Variants in COMMD10 observed in about 807,000 individuals in gnomAD.
COMMD10 encodes the protein COMM domain-containing protein 10.
A neutral mutation model predicts 28.9 loss-of-function variants in COMMD10; 33 were observed. That is an observed-to-expected ratio of 1.14 (90% confidence interval 0.87 to 1.53). COMMD10 has a LOEUF of 1.53. COMMD10 is among the 40% of genes most tolerant of loss of function. The pLI, the probability that COMMD10 is intolerant of heterozygous loss-of-function variation, is 0.00. For missense variants in COMMD10, 310 were observed against 233.4 expected (o/e 1.33, Z -2.14); for synonymous variants, 110 against 81.7 (o/e 1.35, Z -1.87).
At chr5:116,280,366 G>T (rs1438585328) in intron 5 of COMMD10, among the ~76,000 whole-genome samples, 1 of 151,788 alleles carries the variant, frequency 6.6e-6, no homozygotes. Context: ...AGCCAGAGCT[G>T]GTTGTGACAT....
At chr5:116,285,183 G>A (rs75192630) in intron 5 of COMMD10, among the ~76,000 whole-genome samples, 4,522 of 151,928 alleles carry the variant, frequency 0.03, 329 homozygotes, top group African/African-American at 0.11. Flanking sequence ...GAGTAAAAAT[G>A]GAGACCCATA....
chr5:116,278,172 A>G (rs867934839), intron 5 of COMMD10, among the ~76,000 whole-genome samples: 6 of 151,784 alleles, frequency 4.0e-5, no homozygotes, highest in African/African-American at 9.7e-5. Context: ...AGAAAAATAT[A>G]CCATTACCTA....
At chr5:116,162,293 T>G (rs1243378898) in intron 5 of COMMD10, among the ~76,000 whole-genome samples, 2 of 152,182 alleles carry the variant, frequency 1.3e-5, no homozygotes, top group Non-Finnish European at 2.9e-5. Flanking sequence ...GACTGTTTAA[T>G]AAGACTGCAG....
At chr5:116,242,981 A>G (rs554251411) in intron 5 of COMMD10, among the ~76,000 whole-genome samples, 27 of 152,338 alleles carry the variant, frequency 1.8e-4, no homozygotes, top group Admixed American at 4.6e-4. Context: ...TAAATTTTCA[A>G]TGCTAATTAA....
At chr5:116,155,899 TAA>T (rs1391981739) in intron 5 of COMMD10, among the ~76,000 whole-genome samples, 5 of 151,950 alleles carry the variant, frequency 3.3e-5, no homozygotes, top group African/African-American at 4.8e-5. Flanking sequence ...TTTATTAATA[TAA>T]GAGAAAATTA....
intron 5 of COMMD10, among the ~76,000 whole-genome samples, chr5:116,229,005 G>A (rs897258408): frequency 6.6e-6 from 1 of 151,892 alleles, no homozygotes; most frequent in Non-Finnish European, 1.5e-5. Context: ...ATAAATATTT[G>A]CCTATAGACA....
intron 5 of COMMD10, among the ~76,000 whole-genome samples, chr5:116,207,305 T>G (rs193040094): frequency 3.3e-5 from 5 of 152,226 alleles, no homozygotes. Flanking sequence ...ACTAATAGTT[T>G]AGATAAATCT....
At chr5:116,126,326 TATC>T (rs1227792478) in intron 4 of COMMD10, among the ~76,000 whole-genome samples, 17 of 152,140 alleles carry the variant, frequency 1.1e-4, no homozygotes, top group Non-Finnish European at 2.2e-4. Context: ...GAAGAATCGA[TATC>T]ATGAAAATGG....
intron 5 of COMMD10, among the ~76,000 whole-genome samples, chr5:116,264,615 A>G (rs1377345099): frequency 2.0e-5 from 3 of 152,048 alleles, no homozygotes; most frequent in Non-Finnish European, 4.4e-5. Flanking sequence ...ATCCGTTTAC[A>G]TAACAGACAC....
intron 1 of COMMD10, 175 bp downstream of exon 1, chr5:116,085,268 G>C (rs1443022151): frequency 1.6e-6 from 1 of 626,696 alleles, no homozygotes; most frequent in South Asian, 1.9e-5. Context: ...GCGTGGGGCC[G>C]TGTAGCGCCT....
intron 5 of COMMD10, among the ~76,000 whole-genome samples, chr5:116,155,539 C>T (rs539160520): frequency 6.6e-6 from 1 of 152,040 alleles, no homozygotes; most frequent in Non-Finnish European, 1.5e-5. Flanking sequence ...TGTAGATAAA[C>T]AGACATCCTG....
intron 5 of COMMD10, among the ~76,000 whole-genome samples, chr5:116,252,560 C>G (rs1439936885): frequency 8.6e-6 from 1 of 115,814 alleles, no homozygotes; most frequent in African/African-American, 3.5e-5. Flanking sequence ...ATAGGGAATC[C>G]TTTCCCCATT....
intron 5 of COMMD10, among the ~76,000 whole-genome samples, chr5:116,135,277 G>A (rs192741730): frequency 6.6e-6 from 1 of 152,204 alleles, no homozygotes; most frequent in East Asian, 1.9e-4. Context: ...AGGAATTGAA[G>A]GATGGGAATA....
chr5:116,187,418 T>C (rs566240735), intron 5 of COMMD10, among the ~76,000 whole-genome samples: 1 of 152,232 alleles, frequency 6.6e-6, no homozygotes, highest in Non-Finnish European at 1.5e-5. Context: ...GTATAGAGAT[T>C]GCTACCATAT....
intron 5 of COMMD10, among the ~76,000 whole-genome samples, chr5:116,144,477 G>A (rs1050310274): frequency 6.6e-6 from 1 of 151,784 alleles, no homozygotes; most frequent in Non-Finnish European, 1.5e-5. Context: ...GAAAGTGATG[G>A]TGCTATAATT....
intron 5 of COMMD10, among the ~76,000 whole-genome samples, chr5:116,258,300 TTCCTCCCTGTTACTA>T (rs919534991): frequency 2.0e-5 from 3 of 151,824 alleles, no homozygotes; most frequent in Non-Finnish European, 4.4e-5. Context: ...ACTTACTCTC[TTCCTCCCTGTTACTA>T]TCCTAGAATG....
chr5:116,237,366 A>C (rs1749694784), intron 5 of COMMD10, among the ~76,000 whole-genome samples: 1 of 152,174 alleles, frequency 6.6e-6, no homozygotes, highest in South Asian at 2.1e-4. Flanking sequence ...GTTATATTTG[A>C]GTATTTTTCT....
At chr5:116,191,984 A>G (rs775016157) in intron 5 of COMMD10, among the ~76,000 whole-genome samples, 29 of 150,600 alleles carry the variant, frequency 1.9e-4, no homozygotes, top group Non-Finnish European at 3.4e-4. Flanking sequence ...ACATCACAGG[A>G]TGTGATATTG....
chr5:116,275,182 G>A (rs1750870171), intron 5 of COMMD10, among the ~76,000 whole-genome samples: 1 of 151,766 alleles, frequency 6.6e-6, no homozygotes, highest in South Asian at 2.1e-4. Context: ...TTCATTGAAA[G>A]AATCAGTTTT....
Sources: allele counts gnomAD v4.1 joint callset (sites outside exome capture counted in the v4.1 genomes callset), GRCh38; gene constraint gnomAD v4.1.1; transcripts MANE v1.5; gene names NCBI Gene and HGNC (gene_info 2026-07-23, HGNC 2026-07-21).